The following NCK1 variants were observed in gnomAD, a reference collection of about 807,000 sequenced individuals.
NCK1 encodes NCK adaptor protein 1.
Under a neutral mutation model 36.6 loss-of-function variants are expected in NCK1, and 19 were observed. The ratio of observed to expected loss-of-function variants is 0.52; its 90% CI spans 0.36 to 0.76. The LOEUF is 0.76. NCK1 is among the 30% of genes least tolerant of loss of function. The pLI, the probability that NCK1 is intolerant of heterozygous loss-of-function variation, is 0.00. For synonymous variants in NCK1, 165 were observed against 156.0 expected, an observed-to-expected ratio of 1.06 and a Z score of -0.43; for missense variants, 358 against 445.6, an observed-to-expected ratio of 0.80 and a Z score of 1.77.
rs779031906 is a variant in NCK1, at chr3:136,948,336, C to T, written c.1017C>T (p.Tyr339=). Residue 339 remains tyrosine (Y), a synonymous_variant, in exon 4 of 4, where the codon TAC becomes TAT. Transcript: ENST00000481752. ...AAGTCCAACTAAAAGAGACTGTCTA[C>T]TGCATTGGGCAGCGTAAATTCAGCA... is the stretch of plus-strand genomic sequence containing the variant. ...HFKVQLKETV[Y]CIGQRKFSTM... The T allele has an allele frequency of 3.7e-6, 6 of 1,612,858 alleles. No individual in the cohort carries two copies. In the Admixed American group the frequency reaches 5.0e-5, roughly 13 times the overall value.
intron 1 of NCK1, among the ~76,000 whole-genome samples, chr3:136,900,515 G>A (rs1939514511): frequency 6.6e-6 from 1 of 152,082 alleles, no homozygotes; most frequent in African/African-American, 2.4e-5. Flanking sequence ...ATTGCTTATG[G>A]CAGTATGGTC....
chr3:136,935,953 G>A (rs1940518820), intron 2 of NCK1, among the ~76,000 whole-genome samples: 1 of 151,686 alleles, frequency 6.6e-6, no homozygotes, highest in South Asian at 2.1e-4. Flanking sequence ...TTTTGTGTCT[G>A]GCTTCTTTCA....
intron 1 of NCK1, among the ~76,000 whole-genome samples, chr3:136,920,797 A>G (rs942322984): frequency 6.6e-5 from 10 of 152,232 alleles, no homozygotes; most frequent in African/African-American, 2.4e-4. Context: ...ATTTATTGTC[A>G]TAATTAACAC....
chr3:136,879,989 TAA>T (rs891612999), intron 1 of NCK1, among the ~76,000 whole-genome samples: 2 of 119,500 alleles, frequency 1.7e-5, no homozygotes, highest in Admixed American at 9.6e-5. Flanking sequence ...TAAAGAATAT[TAA>T]AAAAAAAAAA....
intron 1 of NCK1, among the ~76,000 whole-genome samples, chr3:136,915,486 T>C (rs1027979836): frequency 6.6e-6 from 1 of 152,236 alleles, no homozygotes; most frequent in African/African-American, 2.4e-5. Flanking sequence ...CGGAGTGTAC[T>C]GGTTCCCTGT....
At chr3:136,890,096 G>GA (rs1939195863) in intron 1 of NCK1, among the ~76,000 whole-genome samples, 2 of 152,178 alleles carry the variant, frequency 1.3e-5, no homozygotes, top group Non-Finnish European at 2.9e-5. Flanking sequence ...AGCCCATGGG[G>GA]CGGGGAGGCT....
At chr3:136,922,621 T>C (rs1038728533) in intron 1 of NCK1, among the ~76,000 whole-genome samples, 11 of 152,176 alleles carry the variant, frequency 7.2e-5, no homozygotes, top group African/African-American at 2.7e-4. Context: ...GAAATACAAA[T>C]TACAACTCTG....
intron 1 of NCK1, among the ~76,000 whole-genome samples, chr3:136,886,339 A>G (rs1015473420): frequency 2.0e-5 from 3 of 152,034 alleles, no homozygotes; most frequent in Admixed American, 1.3e-4. Context: ...CTCCTTGCAG[A>G]TACCAAAATT....
At chr3:136,903,655 C>T (rs1200557968) in intron 1 of NCK1, among the ~76,000 whole-genome samples, 2 of 152,122 alleles carry the variant, frequency 1.3e-5, no homozygotes, top group South Asian at 2.1e-4. Context: ...GAACCCCTGA[C>T]CTCAGGTGAT....
intron 1 of NCK1, among the ~76,000 whole-genome samples, chr3:136,881,168 A>G (rs1429127753): frequency 6.6e-6 from 1 of 152,026 alleles, no homozygotes; most frequent in Admixed American, 6.6e-5. Context: ...GCATCACCAT[A>G]CTACTCAAGT....
intron 2 of NCK1, 104 bp from the exon 3 acceptor site, chr3:136,945,479 G>T: frequency 1.3e-6 from 1 of 770,246 alleles, no homozygotes; most frequent in Non-Finnish European, 2.0e-6. Flanking sequence ...AAGCTTTAAA[G>T]ATCTATATAG....
intron 1 of NCK1, among the ~76,000 whole-genome samples, chr3:136,867,279 TCTTTC>T (rs1280876024): frequency 1.3e-5 from 2 of 150,860 alleles, no homozygotes; most frequent in Admixed American, 1.3e-4. Context: ...CTTTCTTTCT[TCTTTC>T]TTTTTTGACA....
rs147047055 is a variant in NCK1, at chr3:136,929,178, C to T, written c.226+951C>T. ...GAACTCCTGGGCTCAAGCAACCCTCCCACCTCAGCTTCCTGAGTAGCTGGG... is the reference window on the plus strand; with the variant it reads ...GAACTCCTGGGCTCAAGCAACCCTCTCACCTCAGCTTCCTGAGTAGCTGGG... On this transcript the variant is annotated intron_variant, in intron 2 of 3. Transcript: ENST00000481752. Among the ~76,000 whole-genome samples, 547 of 152,244 alleles carry T rather than the reference C, an allele frequency of 3.6e-3. 3 individuals are homozygous for T. Among genetic ancestry groups the T allele is most frequent in the African/African-American group, 0.01 (423 of 41,540 alleles).
intron 1 of NCK1, among the ~76,000 whole-genome samples, chr3:136,911,350 C>T (rs1939823876): frequency 1.3e-5 from 2 of 152,156 alleles, no homozygotes; most frequent in African/African-American, 4.8e-5. Flanking sequence ...AATGGCTGTA[C>T]TAATTTAATT....
At chr3:136,896,381 A>G (rs1176630394) in intron 1 of NCK1, among the ~76,000 whole-genome samples, 1 of 152,194 alleles carries the variant, frequency 6.6e-6, no homozygotes, top group East Asian at 1.9e-4. Flanking sequence ...GAGTTAGAAC[A>G]TACTATATTT....
At chr3:136,942,101 G>A (rs1940694245) in intron 2 of NCK1, among the ~76,000 whole-genome samples, 2 of 152,176 alleles carry the variant, frequency 1.3e-5, no homozygotes, top group African/African-American at 4.8e-5. Flanking sequence ...GTCTCCCAAA[G>A]TGCTGGGATT....
At position 136,867,119 on chromosome 3, in the gene NCK1, T is replaced by TC. The variant is rs1187666335; in HGVS notation, c.-19+4766_-19+4767insC. Among the ~76,000 whole-genome samples the TC allele has an allele frequency of 4.2e-4, 11 of 26,266 alleles. 3 individuals are homozygous for TC. The highest frequency in any genetic ancestry group is 1.5e-3 in the African/African-American group (11 of 7,260). The allele number at this position is 26,266 out of a possible 152,430, so 17.2% of individuals were successfully genotyped here. On this transcript the variant is annotated intron_variant, in intron 1 of 3. Transcript: ENST00000481752. ...TTCTTTCTTTCTTTCTTTCTTTCTT[T>TC]GTTTCTTTCTTTCCTTCCTTCCTTC...
At chr3:136,945,510 TAATG>T (rs1940788152) in intron 2 of NCK1, 69 bp from the exon 3 acceptor site, 3 of 1,077,836 alleles carry the variant, frequency 2.8e-6, no homozygotes, top group South Asian at 3.3e-5. Context: ...CTCTTTTTAA[TAATG>T]AATAAGTTCA....
At chr3:136,897,335 G>A (rs1459024511) in intron 1 of NCK1, among the ~76,000 whole-genome samples, 2 of 151,784 alleles carry the variant, frequency 1.3e-5, no homozygotes, top group East Asian at 3.9e-4. Context: ...CAAGTGATCT[G>A]CCTGCCTTGG....
Sources: gnomAD v4.1 joint callset for allele counts (sites outside exome capture counted in the v4.1 genomes callset) on GRCh38, gnomAD v4.1.1 for gene constraint, MANE v1.5 for transcripts, NCBI Gene and HGNC (gene_info 2026-07-23, HGNC 2026-07-21) for gene names.